The following ALAS2 variants were observed in gnomAD, a reference collection of about 807,000 sequenced individuals.
ALAS2 encodes 5'-aminolevulinate synthase 2.
In ALAS2, 3 loss-of-function variants were observed where a neutral mutation model predicts 33.7. The ratio of observed to expected loss-of-function variants is 0.09; its 90% confidence interval spans 0.04 to 0.23. The LOEUF (loss-of-function observed/expected upper bound fraction) is 0.23. Among genes scored for constraint, ALAS2 ranks in the 10% least tolerant of loss-of-function variants. ALAS2 has a pLI of 1.00. For synonymous variants in ALAS2, 191 were observed against 177.3 expected (o/e 1.08, Z -0.61); for missense variants, 304 against 475.1 (o/e 0.64, Z 3.35).
chrX:55,010,915 G>A (rs909422331), intron 10 of ALAS2, among the ~76,000 whole-genome samples: 1 of 111,601 alleles, frequency 9.0e-6, no homozygotes, highest in Admixed American at 9.5e-5. Flanking sequence ...TACACAGTTG[G>A]TACTCAATAA....
intron 10 of ALAS2, among the ~76,000 whole-genome samples, chrX:55,012,413 C>T (rs888884870): frequency 9.8e-5 from 11 of 112,060 alleles, no homozygotes; most frequent in Non-Finnish European, 2.1e-4. Context: ...TATCTGGCTC[C>T]TCTGCTAGAC....
intron 4 of ALAS2, 21 bp from the exon 5 acceptor site, chrX:55,021,295 A>T (rs374590896): frequency 1.1e-5 from 13 of 1,167,264 alleles, no homozygotes; most frequent in Non-Finnish European, 1.5e-5. Flanking sequence ...AGATATGAGG[A>T]TGAAAAGAAT....
At chrX:55,020,994 C>A in intron 5 of ALAS2, 58 bp downstream of exon 5, 1 of 1,071,752 alleles carries the variant, frequency 9.3e-7, no homozygotes, top group Non-Finnish European at 1.3e-6. Context: ...TTTTTTTTTC[C>A]ATGTGTGGTT....
At chrX:55,013,981 A>G (rs986229053) in intron 9 of ALAS2, among the ~76,000 whole-genome samples, 1 of 110,420 alleles carries the variant, frequency 9.1e-6, no homozygotes, top group East Asian at 2.9e-4. Context: ...CAATTCTGGA[A>G]CCCCCGCCAA....
At chrX:55,016,566 G>A (rs1374125081) in intron 7 of ALAS2, among the ~76,000 whole-genome samples, 2 of 111,563 alleles carry the variant, frequency 1.8e-5, no homozygotes, top group African/African-American at 6.5e-5. Flanking sequence ...TGCCACTTAA[G>A]ATACCTAAAT....
At position 55,026,024 on chromosome X, in the gene ALAS2, G is replaced by A. The variant is rs960071364; in HGVS notation, c.-15-9C>T. On this transcript the variant is annotated splice_polypyrimidine_tract_variant and intron_variant, in intron 1 of 10. Coordinates refer to ENST00000650242, the MANE Select transcript of ALAS2 (RefSeq NM_000032.5). ...ATCTTGAACCTAAAGTCCTGCAGAA[G>A]ACATGGAAGAGATGAGGTTCCATCA... is the stretch of plus-strand genomic sequence containing the variant. 12 of 1,202,766 alleles carry A rather than the reference G, an allele frequency of 1.0e-5. No homozygotes were observed. Among genetic ancestry groups the A allele is most frequent in the Non-Finnish European group, 1.3e-5 (12 of 890,183 alleles).
intron 4 of ALAS2, among the ~76,000 whole-genome samples, chrX:55,022,420 A>G (rs1311401986): frequency 8.9e-6 from 1 of 112,166 alleles, no homozygotes; most frequent in Non-Finnish European, 1.9e-5. Context: ...GGCATAGAAT[A>G]TGAACAGACA....
At chrX:55,030,742 GAA>G (rs1286710468) in intron 1 of ALAS2, among the ~76,000 whole-genome samples, 198 bp downstream of exon 1, 1 of 111,174 alleles carries the variant, frequency 9.0e-6, no homozygotes, top group African/African-American at 3.3e-5. Context: ...GTAACGAAGG[GAA>G]AAAGAGAGAA....
Position 55,017,539 on chromosome X carries a change from G to C in ALAS2, c.950C>G (p.Ser317Cys), listed in dbSNP as rs1185780300. The change falls in exon 7 of 11, where the codon TCT becomes TGT. Residue 317 changes from serine to cysteine, a missense_variant. This residue lies in a region of ALAS2 where 138 missense variants were observed against 265.3 expected (regional missense o/e 0.52). Transcript: ENST00000650242. ...PDHLKKLLEK[S>C]NPKIPKIVAF... ...CACAATTTTGGGTATCTTAGGGTTA[G>C]ACTTCTCTAGAAGTTTCTTTAGGTG... is the stretch of plus-strand genomic sequence containing the variant. The C allele has an allele frequency of 8.3e-7, 1 of 1,211,088 alleles. No homozygotes were observed. The highest frequency in any genetic ancestry group is 3.0e-5 in the East Asian group (1 of 33,831).
intron 6 of ALAS2, 44 bp from the exon 7 acceptor site, chrX:55,017,709 T>C (rs779709180): frequency 8.5e-7 from 1 of 1,175,526 alleles, no homozygotes; most frequent in Admixed American, 2.2e-5. Context: ...GTCCCAGTAC[T>C]CCCACTTCAA....
intron 1 of ALAS2, among the ~76,000 whole-genome samples, chrX:55,027,132 C>A (rs184682896): frequency 9.1e-6 from 1 of 110,109 alleles, no homozygotes; most frequent in African/African-American, 3.3e-5. Flanking sequence ...GACAGATAGA[C>A]CAAGGGGCAC....
chrX:55,016,734 T>C (rs901885210), intron 7 of ALAS2, among the ~76,000 whole-genome samples: 2 of 112,305 alleles, frequency 1.8e-5, no homozygotes, highest in African/African-American at 6.5e-5. Context: ...ATTGTTTCAA[T>C]TGAGCAAAGA....
intron 10 of ALAS2, among the ~76,000 whole-genome samples, chrX:55,011,066 G>C (rs970918037): frequency 1.8e-5 from 2 of 111,372 alleles, no homozygotes; most frequent in Non-Finnish European, 3.8e-5. Context: ...AAAAATGAGG[G>C]AACGACAAGT....
chrX:55,017,840 C>G (rs1935731816), intron 6 of ALAS2, among the ~76,000 whole-genome samples, 175 bp from the exon 7 acceptor site: 1 of 112,163 alleles, frequency 8.9e-6, no homozygotes, highest in South Asian at 3.7e-4. Flanking sequence ...AAGGACTTCA[C>G]TGTTCCCAAA....
At chrX:55,013,968 A>G (rs1227157397) in intron 9 of ALAS2, among the ~76,000 whole-genome samples, 1 of 110,778 alleles carries the variant, frequency 9.0e-6, no homozygotes, top group East Asian at 2.8e-4. Context: ...CCCCCCACCA[A>G]GCCAATTCTG....
chrX:55,017,733 C>T (rs1319636258), intron 6 of ALAS2, 68 bp from the exon 7 acceptor site: 5 of 1,103,550 alleles, frequency 4.5e-6, no homozygotes, highest in Admixed American at 4.4e-5. Context: ...TCAGGTTTGA[C>T]CTGGCAAAGA....
intron 8 of ALAS2, 73 bp from the exon 9 acceptor site, chrX:55,015,088 T>A: frequency 9.0e-7 from 1 of 1,111,918 alleles, no homozygotes. Flanking sequence ...ATGTGCCAGA[T>A]AACACAAGGG....
chrX:55,015,919 G>C (rs1935690689), intron 7 of ALAS2, among the ~76,000 whole-genome samples, 177 bp from the exon 8 acceptor site: 1 of 108,391 alleles, frequency 9.2e-6, no homozygotes, highest in Non-Finnish European at 1.9e-5. Context: ...TCGATTGCCT[G>C]TATCTCATCC....
At position 55,015,957 on chromosome X, in the gene ALAS2, CTCTGTGTG is replaced by C. The variant is rs1387746207; in HGVS notation, c.1004-223_1004-216del. On this transcript the variant is annotated intron_variant, in intron 7 of 10. Coordinates refer to ENST00000650242, the MANE Select transcript of ALAS2 (RefSeq NM_000032.5). ...GCCTTCTCTCTCTCTCTCTCTGTCTCTCTGTGTGTGTGTGTGTGTGTGTGTGTGTGTGT... is the reference window on the plus strand; with the variant it reads ...GCCTTCTCTCTCTCTCTCTCTGTCTCTGTGTGTGTGTGTGTGTGTGTGTGT... Among the ~76,000 whole-genome samples, 499 of 86,271 alleles carry C rather than the reference CTCTGTGTG, an allele frequency of 5.8e-3. 1 individual carries two copies. Among genetic ancestry groups the C allele is most frequent in the African/African-American group, 0.02 (448 of 22,357 alleles). The allele number at this position is 86,271 out of a possible 115,157, so 74.9% of individuals were successfully genotyped here.
Sources: allele counts gnomAD v4.1 joint callset (sites outside exome capture counted in the v4.1 genomes callset), GRCh38; gene constraint gnomAD v4.1.1; regional missense constraint gnomAD v4.1.1; transcripts MANE v1.5; gene names NCBI Gene and HGNC (gene_info 2026-07-23, HGNC 2026-07-21).